The following TIAM2 variants were observed in gnomAD, a reference collection of about 807,000 sequenced individuals.
The protein encoded by TIAM2 is rho guanine nucleotide exchange factor TIAM2.
In TIAM2, 80 loss-of-function variants were observed where a neutral mutation model predicts 152.9. The observed-to-expected ratio is 0.52, with a 90% CI of 0.44 to 0.63. The LOEUF (loss-of-function observed/expected upper bound fraction) is 0.63, where lower values mean the gene tolerates loss of function less well. TIAM2 is among the 30% of genes least tolerant of loss of function. The pLI is 0.00. For synonymous variants in TIAM2, 804 were observed against 838.0 expected, an observed-to-expected ratio of 0.96 and a Z score of 0.70; for missense variants, 1,965 against 2,120.1, an observed-to-expected ratio of 0.93 and a Z score of 1.44.
chr6:155,093,415 G>A (rs778202768), intron 2 of TIAM2, among the ~76,000 whole-genome samples: 1 of 152,168 alleles, frequency 6.6e-6, no homozygotes, highest in Non-Finnish European at 1.5e-5. Context: ...TCCTGTACAT[G>A]ATGATGAAGG....
chr6:155,165,563 G>A (rs1780408467), intron 9 of TIAM2, among the ~76,000 whole-genome samples, 154 bp downstream of exon 9: 1 of 152,158 alleles, frequency 6.6e-6, no homozygotes, highest in Admixed American at 6.5e-5. Context: ...ACACTGGGAG[G>A]GCAAGGCAGG....
chr6:155,020,392 T>C (rs965579859), intron 1 of TIAM2, among the ~76,000 whole-genome samples: 1 of 152,198 alleles, frequency 6.6e-6, no homozygotes, highest in African/African-American at 2.4e-5. Context: ...ATAAACATTG[T>C]CCCCCTTTTT....
chr6:155,194,166 C>T (rs1308526565), intron 14 of TIAM2, among the ~76,000 whole-genome samples: 3 of 152,260 alleles, frequency 2.0e-5, no homozygotes, highest in East Asian at 1.9e-4. Context: ...GGGCATAGAG[C>T]GTTCCAGGCG....
intron 2 of TIAM2, among the ~76,000 whole-genome samples, chr6:155,121,590 G>A (rs774719556): frequency 1.3e-5 from 2 of 152,120 alleles, no homozygotes; most frequent in African/African-American, 2.4e-5. Flanking sequence ...AGCTGTCCCC[G>A]ACCCTCCCCA....
At chr6:155,231,207 A>T (rs571523904) in intron 15 of TIAM2, among the ~76,000 whole-genome samples, 5 of 152,152 alleles carry the variant, frequency 3.3e-5, no homozygotes, top group Non-Finnish European at 7.4e-5. Flanking sequence ...GGTCTCTGGC[A>T]TCACTGGCAG....
At chr6:155,126,874 C>T (rs972441604) in intron 2 of TIAM2, among the ~76,000 whole-genome samples, 8 of 151,026 alleles carry the variant, frequency 5.3e-5, no homozygotes, top group Non-Finnish European at 1.2e-4. Context: ...CTTCCCGTGT[C>T]TGTGGCTTCG....
intron 15 of TIAM2, among the ~76,000 whole-genome samples, chr6:155,233,822 G>A (rs1782592532): frequency 6.6e-6 from 1 of 152,070 alleles, no homozygotes; most frequent in African/African-American, 2.4e-5. Context: ...AATTAGCTGG[G>A]TATGGTGGCA....
chr6:155,191,709 C>T (rs746428816), intron 14 of TIAM2, among the ~76,000 whole-genome samples: 6 of 152,058 alleles, frequency 3.9e-5, no homozygotes, highest in Non-Finnish European at 8.8e-5. Context: ...GCAGGAGAAT[C>T]GCTTGAACCC....
Position 155,257,583 on chromosome 6 carries a change from TA to T in TIAM2, c.*463del. The T allele has an allele frequency of 2.5e-5, 1 of 40,250 alleles. No individual in the cohort carries two copies. The highest frequency in any genetic ancestry group is 3.6e-5 in the Non-Finnish European group (1 of 27,456). The allele number at this position is 40,250 out of a possible 1,614,324, so 2.5% of individuals were successfully genotyped here. A position where few individuals can be genotyped will look rare whatever the true frequency, so the allele number is the denominator to read the frequency against. On this transcript the variant is annotated 3_prime_UTR_variant, in exon 27 of 27. Transcript: ENST00000682666. ...GTGCAGATACTTCATTTTTGTAAGA[TA>T]GATTGTAATAGATGCTGTTTATACT...
chr6:155,115,042 G>T (rs887188222), intron 2 of TIAM2, among the ~76,000 whole-genome samples: 1 of 151,740 alleles, frequency 6.6e-6, no homozygotes, highest in African/African-American at 2.4e-5. Context: ...TGGCCAGGCT[G>T]GTCTCAAACT....
At chr6:155,235,528 C>G (rs561824995) in intron 15 of TIAM2, among the ~76,000 whole-genome samples, 2 of 152,220 alleles carry the variant, frequency 1.3e-5, no homozygotes, top group Non-Finnish European at 2.9e-5. Flanking sequence ...GTAAACATCA[C>G]GAACAGTGGG....
chr6:155,131,786 C>G (rs1342042425), intron 4 of TIAM2, among the ~76,000 whole-genome samples: 51 of 151,964 alleles, frequency 3.4e-4, no homozygotes. Context: ...ACCATGTTGG[C>G]CAGGCTGGTC....
intron 7 of TIAM2, among the ~76,000 whole-genome samples, chr6:155,160,774 AAAACAAAC>A (rs72166694): frequency 2.0e-5 from 3 of 151,474 alleles, no homozygotes; most frequent in South Asian, 2.1e-4. Flanking sequence ...AACAAAAACA[AAAACAAAC>A]AAACAAACAA....
chr6:155,205,537 G>T (rs1781576273), intron 14 of TIAM2, among the ~76,000 whole-genome samples: 1 of 152,174 alleles, frequency 6.6e-6, no homozygotes, highest in Admixed American at 6.5e-5. Context: ...GCCACCTGGT[G>T]GGTGTCCAGG....
chr6:155,081,969 A>G (rs374919110), intron 1 of TIAM2, among the ~76,000 whole-genome samples: 5 of 151,794 alleles, frequency 3.3e-5, no homozygotes, highest in Non-Finnish European at 1.5e-5. Context: ...TTATTTATTC[A>G]CCTCTTTCAT....
intron 1 of TIAM2, among the ~76,000 whole-genome samples, chr6:155,024,047 C>G (rs7746011): frequency 5.3e-5 from 8 of 151,982 alleles, no homozygotes; most frequent in Non-Finnish European, 8.8e-5. Context: ...TTCCCTCCCA[C>G]TCTGCAGAGG....
chr6:155,161,870 T>C (rs1046961798), intron 7 of TIAM2, among the ~76,000 whole-genome samples: 1 of 151,818 alleles, frequency 6.6e-6, no homozygotes, highest in Non-Finnish European at 1.5e-5. Context: ...GAGCCATCAC[T>C]CCCGGCCTTT....
intron 1 of TIAM2, among the ~76,000 whole-genome samples, chr6:155,027,391 T>G (rs972334910): frequency 7.8e-6 from 1 of 127,648 alleles, no homozygotes; most frequent in African/African-American, 3.2e-5. Flanking sequence ...CTGTGTTACA[T>G]ATATACTATA....
intron 14 of TIAM2, among the ~76,000 whole-genome samples, chr6:155,195,875 A>G (rs889605956): frequency 1.3e-5 from 2 of 152,214 alleles, no homozygotes; most frequent in Non-Finnish European, 2.9e-5. Flanking sequence ...GTGTGCCTGG[A>G]AGGGCAAGGG....
Sources: gnomAD v4.1 joint callset for allele counts (sites outside exome capture counted in the v4.1 genomes callset) on GRCh38, gnomAD v4.1.1 for gene constraint, MANE v1.5 for transcripts, NCBI Gene and HGNC (gene_info 2026-07-23, HGNC 2026-07-21) for gene names.